ZNF827: variants seen among roughly 807,000 people sequenced by gnomAD.
ZNF827 encodes zinc finger protein 827.
Under a neutral mutation model 102.4 loss-of-function variants are expected in ZNF827, and 13 were observed. The observed-to-expected ratio is 0.13, with a 90% CI of 0.08 to 0.20. The LOEUF (loss-of-function observed/expected upper bound fraction) is 0.20. ZNF827 is among the 10% of genes least tolerant of loss of function. The pLI, the probability that ZNF827 is intolerant of heterozygous loss-of-function variation, is 1.00. For synonymous variants in ZNF827, 523 were observed against 536.2 expected, an observed-to-expected ratio of 0.98 and a Z score of 0.34; for missense variants, 1,103 against 1,344.4, an observed-to-expected ratio of 0.82 and a Z score of 2.81.
intron 8 of ZNF827, 84 bp downstream of exon 8, chr4:145,823,338 G>T: frequency 8.6e-7 from 1 of 1,160,314 alleles, no homozygotes; most frequent in Non-Finnish European, 1.3e-6. Context: ...TCCGTAAGCT[G>T]AAAGTATCTG....
chr4:145,897,326 A>C (rs911154264), intron 2 of ZNF827, among the ~76,000 whole-genome samples: 1 of 152,204 alleles, frequency 6.6e-6, no homozygotes, highest in Non-Finnish European at 1.5e-5. Flanking sequence ...AGGCTTCGAA[A>C]TCAAACTTCC....
At chr4:145,850,246 GT>G (rs1746402806) in intron 5 of ZNF827, among the ~76,000 whole-genome samples, 1 of 152,088 alleles carries the variant, frequency 6.6e-6, no homozygotes, top group African/African-American at 2.4e-5. Flanking sequence ...CTGACCTCAG[GT>G]GATGTGCCCA....
chr4:145,909,190 T>G (rs1187951098), intron 1 of ZNF827, among the ~76,000 whole-genome samples: 1 of 152,326 alleles, frequency 6.6e-6, no homozygotes, highest in East Asian at 1.9e-4. Flanking sequence ...ACTATTACAT[T>G]ATAAATACCT....
intron 1 of ZNF827, among the ~76,000 whole-genome samples, chr4:145,937,014 C>T (rs931907600): frequency 1.4e-4 from 22 of 151,744 alleles, no homozygotes; most frequent in African/African-American, 5.3e-4. Flanking sequence ...CACGCCTTCT[C>T]CCCTGCCCCC....
chr4:145,900,808 C>T (rs974142430), intron 2 of ZNF827, among the ~76,000 whole-genome samples: 4 of 152,132 alleles, frequency 2.6e-5, no homozygotes, highest in African/African-American at 9.7e-5. Flanking sequence ...CGTAGAACTA[C>T]CCCAGCCTCC....
intron 8 of ZNF827, among the ~76,000 whole-genome samples, chr4:145,821,242 A>C (rs766119587): frequency 6.6e-6 from 1 of 152,172 alleles, no homozygotes; most frequent in East Asian, 1.9e-4. Flanking sequence ...TATTCAAAAA[A>C]ATTTTGGTGG....
chr4:145,836,430 C>CA (rs2126584610), intron 7 of ZNF827, among the ~76,000 whole-genome samples: 1 of 152,256 alleles, frequency 6.6e-6, no homozygotes, highest in East Asian at 1.9e-4. Flanking sequence ...TAGAGGCCCT[C>CA]AAAATCACAA....
intron 7 of ZNF827, among the ~76,000 whole-genome samples, chr4:145,834,095 C>T (rs1251823818): frequency 6.6e-6 from 1 of 152,170 alleles, no homozygotes; most frequent in Non-Finnish European, 1.5e-5. Context: ...AACCTAAATG[C>T]CTTATTTTCT....
intron 3 of ZNF827, among the ~76,000 whole-genome samples, chr4:145,891,067 A>T (rs1281044861): frequency 2.0e-5 from 3 of 152,248 alleles, no homozygotes; most frequent in Non-Finnish European, 2.9e-5. Context: ...ATGTCCATAC[A>T]TTATACTTCT....
intron 8 of ZNF827, among the ~76,000 whole-genome samples, chr4:145,811,028 G>A (rs1741957628): frequency 6.8e-6 from 1 of 145,988 alleles, no homozygotes; most frequent in Admixed American, 6.9e-5. Context: ...GTTTCACTCT[G>A]TTGCCCAGGC....
chr4:145,780,923 G>A (rs1348529645), intron 8 of ZNF827, among the ~76,000 whole-genome samples: 2 of 151,304 alleles, frequency 1.3e-5, no homozygotes, highest in African/African-American at 4.9e-5. Flanking sequence ...CACGCTGGGT[G>A]CAGTGGCTCA....
At chr4:145,841,357 A>T (rs1029652001) in intron 7 of ZNF827, among the ~76,000 whole-genome samples, 9 of 152,190 alleles carry the variant, frequency 5.9e-5, no homozygotes, top group Non-Finnish European at 1.3e-4. Context: ...TTAAACTTTG[A>T]GATCTGATTA....
chr4:145,822,204 T>G (rs1470590926), intron 8 of ZNF827, among the ~76,000 whole-genome samples: 4 of 152,176 alleles, frequency 2.6e-5, no homozygotes, highest in African/African-American at 9.7e-5. Flanking sequence ...TTCTGGTGTT[T>G]GAATAGAAAA....
At chr4:145,931,167 G>C (rs1753775762) in intron 1 of ZNF827, among the ~76,000 whole-genome samples, 1 of 152,162 alleles carries the variant, frequency 6.6e-6, no homozygotes. Flanking sequence ...AGCCCATCAA[G>C]TACTCTTAGC....
intron 2 of ZNF827, among the ~76,000 whole-genome samples, chr4:145,892,957 G>A (rs902428588): frequency 2.0e-5 from 3 of 152,218 alleles, no homozygotes; most frequent in Non-Finnish European, 2.9e-5. Flanking sequence ...ACAAATTTTC[G>A]GATCCCTACT....
At chr4:145,836,658 C>A (rs1258506350) in intron 7 of ZNF827, among the ~76,000 whole-genome samples, 5 of 152,110 alleles carry the variant, frequency 3.3e-5, no homozygotes, top group South Asian at 4.2e-4. Context: ...TCTCTCTGAT[C>A]CACCTGACAT....
At chr4:145,900,705 C>T (rs1163145733) in intron 2 of ZNF827, among the ~76,000 whole-genome samples, 1 of 152,084 alleles carries the variant, frequency 6.6e-6, no homozygotes, top group Non-Finnish European at 1.5e-5. Flanking sequence ...CCACTGCGCC[C>T]GGCCTAAAAT....
chr4:145,922,158 T>C (rs1200614764), intron 1 of ZNF827, among the ~76,000 whole-genome samples: 1 of 152,204 alleles, frequency 6.6e-6, no homozygotes, highest in Non-Finnish European at 1.5e-5. Context: ...AGTGCTACAT[T>C]ATAGCATTAC....
In ZNF827 at chr4:145,784,755, C is replaced by A. The variant is rs146197636; in HGVS notation, c.2384-5244G>T. The stretch of plus-strand genomic sequence containing the variant: ...TTTTTGCTCTTCTTCATCTTGATTC[C>A]CACATCCCTTAGCATTTGTTTCATT... On this transcript the variant is annotated intron_variant, in intron 8 of 14. Transcript: ENST00000508784. 9.2e-3 allele frequency among the ~76,000 whole-genome samples: 1,400 copies of A among 152,250 alleles called. 12 individuals carry two copies. The highest frequency in any genetic ancestry group is 0.011 in the Non-Finnish European group (780 of 68,020).
Sources: allele counts gnomAD v4.1 joint callset (sites outside exome capture counted in the v4.1 genomes callset), GRCh38; gene constraint gnomAD v4.1.1; transcripts MANE v1.5; gene names NCBI Gene and HGNC (gene_info 2026-07-23, HGNC 2026-07-21).